The following SUSD4 variants were observed in gnomAD, a reference collection of about 807,000 sequenced individuals.
The protein encoded by SUSD4 is sushi domain containing 4.
A neutral mutation model predicts 50.5 loss-of-function variants in SUSD4; 41 were observed. The observed-to-expected ratio is 0.81, with a 90% CI of 0.63 to 1.05. The LOEUF (loss-of-function observed/expected upper bound fraction) is 1.05. Among genes scored for constraint, SUSD4 ranks in the 50% least tolerant of loss-of-function variants. The pLI, the probability that SUSD4 is intolerant of heterozygous loss-of-function variation, is 0.00. For missense variants in SUSD4, 580 were observed against 634.7 expected, an observed-to-expected ratio of 0.91 and a Z score of 0.93; for synonymous variants, 257 against 257.3, an observed-to-expected ratio of 1.00 and a Z score of 0.01.
chr1:223,225,496 G>A (rs1234492056), intron 7 of SUSD4, among the ~76,000 whole-genome samples: 1 of 152,144 alleles, frequency 6.6e-6, no homozygotes, highest in Non-Finnish European at 1.5e-5. Flanking sequence ...TCAGGGGGCA[G>A]AAGACAAGAG....
At chr1:223,290,472 GA>G (rs1422976795) in intron 3 of SUSD4, among the ~76,000 whole-genome samples, 1 of 152,182 alleles carries the variant, frequency 6.6e-6, no homozygotes, top group Non-Finnish European at 1.5e-5. Context: ...CATTGTCTTA[GA>G]AAGGTAATAT....
chr1:223,253,760 G>A (rs1661497272), intron 5 of SUSD4, among the ~76,000 whole-genome samples: 1 of 152,206 alleles, frequency 6.6e-6, no homozygotes, highest in Non-Finnish European at 1.5e-5. Context: ...CCTGCCTGGA[G>A]CAGGGATAGA....
In SUSD4 at chr1:223,229,462, T is replaced by C. The variant is rs1419364798; in HGVS notation, c.725-74A>G. 3.5e-6 allele frequency: 5 copies of C among 1,414,242 alleles called. No homozygotes were observed. In the South Asian group the frequency reaches 7.1e-5, roughly 20 times the overall value. The allele number at this position is 1,414,242 out of a possible 1,614,324, so 87.6% of individuals were successfully genotyped here. On this transcript the variant is annotated intron_variant, in intron 5 of 8. Transcript: ENST00000366878. This position sits in a 1 kb window ranked among gnomAD's most constrained non-coding sequence, Gnocchi z 4.7. ...TGTCTGAAGCCCCTAAGACGAAGAATGGCCTAGGAGAACTCAGTTAAAAAT... is the reference window on the plus strand; with the variant it reads ...TGTCTGAAGCCCCTAAGACGAAGAACGGCCTAGGAGAACTCAGTTAAAAAT...
intron 2 of SUSD4, among the ~76,000 whole-genome samples, chr1:223,319,790 C>A (rs1419765001): frequency 6.6e-6 from 1 of 152,208 alleles, no homozygotes; most frequent in African/African-American, 2.4e-5. Context: ...ACTGACACTT[C>A]CAACTAGCAA....
Position 223,278,630 on chromosome 1 carries a change from C to T in SUSD4, c.362-9955G>A, listed in dbSNP as rs535476565. Among the ~76,000 whole-genome samples, 85 of 152,354 alleles carry T rather than the reference C, an allele frequency of 5.6e-4. No individual in the cohort carries two copies. In the East Asian group the frequency reaches 6.9e-3, roughly 12 times the overall value. ...GCCTGCCTGCCTCTGTAGACTCCACCTTTTGGGGCAGGGCATAGCTGAACA... is the reference window on the plus strand; with the variant it reads ...GCCTGCCTGCCTCTGTAGACTCCACTTTTTGGGGCAGGGCATAGCTGAACA... On this transcript the variant is annotated intron_variant, in intron 3 of 8. Transcript: ENST00000366878.
intron 5 of SUSD4, among the ~76,000 whole-genome samples, chr1:223,259,107 A>G (rs1410466240): frequency 6.6e-6 from 1 of 152,204 alleles, no homozygotes; most frequent in African/African-American, 2.4e-5. Context: ...GGGGACAGAG[A>G]CTTTGCACAA....
intron 3 of SUSD4, among the ~76,000 whole-genome samples, chr1:223,278,435 A>T (rs552373303): frequency 6.6e-6 from 1 of 152,322 alleles, no homozygotes; most frequent in Non-Finnish European, 1.5e-5. Flanking sequence ...CATGACTGGG[A>T]GGGTCCCACA....
At chr1:223,352,929 G>A (rs563202743) in intron 2 of SUSD4, among the ~76,000 whole-genome samples, 1 of 151,964 alleles carries the variant, frequency 6.6e-6, no homozygotes, top group African/African-American at 2.4e-5. Flanking sequence ...GATGCATGGA[G>A]CACCTCCCTC....
chr1:223,334,970 T>C (rs1384877705), intron 2 of SUSD4, among the ~76,000 whole-genome samples: 1 of 152,166 alleles, frequency 6.6e-6, no homozygotes, highest in African/African-American at 2.4e-5. Context: ...GAACATACAA[T>C]ATTTGGTTTT....
chr1:223,232,624 A>C (rs1659969813), intron 5 of SUSD4, among the ~76,000 whole-genome samples: 1 of 152,262 alleles, frequency 6.6e-6, no homozygotes, highest in Admixed American at 6.5e-5. Flanking sequence ...CGACTGTTCA[A>C]ATCATTGCAT....
At chr1:223,235,555 C>T (rs188361849) in intron 5 of SUSD4, among the ~76,000 whole-genome samples, 3 of 138,688 alleles carry the variant, frequency 2.2e-5, no homozygotes, top group African/African-American at 7.9e-5. Flanking sequence ...AATCACTGAT[C>T]GTTTTGCTGT....
intron 5 of SUSD4, chr1:223,263,918 T>C: frequency 6.1e-6 from 6 of 985,422 alleles, no homozygotes; most frequent in African/African-American, 1.7e-5. Context: ...TCCTACCCAC[T>C]ATACTCAGAT....
At chr1:223,338,888 T>G (rs545715162) in intron 2 of SUSD4, among the ~76,000 whole-genome samples, 1 of 152,330 alleles carries the variant, frequency 6.6e-6, no homozygotes, top group Admixed American at 6.5e-5. Context: ...CTTGCATCTA[T>G]GTCCTCATCA....
intron 5 of SUSD4, among the ~76,000 whole-genome samples, chr1:223,252,719 C>CT (rs3042609): frequency 2.7e-4 from 40 of 149,444 alleles, no homozygotes; most frequent in Middle Eastern, 3.4e-3. Flanking sequence ...ATATAATTGG[C>CT]TTTTTTTTTT....
chr1:223,281,684 T>C (rs945885656), intron 3 of SUSD4, among the ~76,000 whole-genome samples: 1 of 152,164 alleles, frequency 6.6e-6, no homozygotes, highest in Non-Finnish European at 1.5e-5. Context: ...TACCATTCCT[T>C]CTGAAACTAT....
intron 2 of SUSD4, among the ~76,000 whole-genome samples, chr1:223,361,118 T>A (rs1346182913): frequency 6.6e-6 from 1 of 152,220 alleles, no homozygotes; most frequent in Non-Finnish European, 1.5e-5. Flanking sequence ...GTGACTTGTA[T>A]GCACATTAAA....
intron 5 of SUSD4, among the ~76,000 whole-genome samples, chr1:223,234,132 C>A (rs372002665): frequency 6.6e-6 from 1 of 152,170 alleles, no homozygotes; most frequent in Non-Finnish European, 1.5e-5. Flanking sequence ...TGTGGGGAGG[C>A]GGGACCAAAG....
intron 2 of SUSD4, among the ~76,000 whole-genome samples, chr1:223,339,295 A>G (rs1667626659): frequency 6.6e-6 from 1 of 152,200 alleles, no homozygotes; most frequent in African/African-American, 2.4e-5. Flanking sequence ...TGGGTTGAAC[A>G]GTGAGTCGGA....
rs1238490045 is a variant in SUSD4, at chr1:223,227,704, C to T, written c.951G>A (p.Leu317=). Residue 317 remains leucine, a synonymous_variant, in exon 7 of 9, where the codon CTG becomes CTA. Transcript: ENST00000366878. This position sits in a 1 kb window ranked among gnomAD's most constrained non-coding sequence, Gnocchi z 4.5. ...TGAACGCCACAATCTTCCACGTGGT[C>T]AGGAGGGTCTCATGGGTGCTGGGCC... ...QTWPSTHETL[L]TTWKIVAFTA... is the part of the protein sequence containing the mutation. 8 of 1,613,246 alleles carry T rather than the reference C, an allele frequency of 5.0e-6. No homozygotes were observed. Among genetic ancestry groups the T allele is most frequent in the Non-Finnish European group, 6.8e-6 (8 of 1,179,750 alleles).
Sources: gnomAD v4.1 joint callset for allele counts (sites outside exome capture counted in the v4.1 genomes callset) on GRCh38, gnomAD v4.1.1 for gene constraint, Gnocchi (gnomAD v3.1) non-coding constraint, MANE v1.5 for transcripts, NCBI Gene and HGNC (gene_info 2026-07-23, HGNC 2026-07-21) for gene names.